GABBR2: variants seen among roughly 807,000 people sequenced by gnomAD.
The protein encoded by GABBR2 is G-protein coupled receptor 51.
In GABBR2, 23 loss-of-function variants were observed where a neutral mutation model predicts 105.6. The ratio of observed to expected loss-of-function variants is 0.22; its 90% CI spans 0.16 to 0.31. The LOEUF (loss-of-function observed/expected upper bound fraction) is 0.31. Among genes scored for constraint, GABBR2 ranks in the 10% least tolerant of loss-of-function variants. GABBR2 has a pLI of 1.00. For synonymous variants in GABBR2, 478 were observed against 499.7 expected, an observed-to-expected ratio of 0.96 and a Z score of 0.58; for missense variants, 734 against 1,245.5, an observed-to-expected ratio of 0.59 and a Z score of 6.18.
At chr9:98,695,687 C>T (rs1306717595) in intron 1 of GABBR2, among the ~76,000 whole-genome samples, 1 of 151,776 alleles carries the variant, frequency 6.6e-6, no homozygotes, top group South Asian at 2.1e-4. Context: ...CAATGCTTTA[C>T]ATGAATGTTC....
chr9:98,441,599 T>G (rs1319610608), intron 7 of GABBR2, among the ~76,000 whole-genome samples: 1 of 152,182 alleles, frequency 6.6e-6, no homozygotes, highest in Non-Finnish European at 1.5e-5. Context: ...ACTCCCAACC[T>G]CAGGTTATCC....
At chr9:98,413,606 A>G (rs1327045575) in intron 7 of GABBR2, among the ~76,000 whole-genome samples, 1 of 152,190 alleles carries the variant, frequency 6.6e-6, no homozygotes, top group Non-Finnish European at 1.5e-5. Context: ...GTTTGCAGGG[A>G]ACTGAAAGAA....
At chr9:98,333,966 G>A (rs1203176500) in intron 13 of GABBR2, among the ~76,000 whole-genome samples, 1 of 152,220 alleles carries the variant, frequency 6.6e-6, no homozygotes, top group Non-Finnish European at 1.5e-5. Context: ...TTGTTGTGAA[G>A]ACTGAATGAG....
chr9:98,681,700 C>G (rs1016284163), intron 1 of GABBR2, among the ~76,000 whole-genome samples: 6 of 151,948 alleles, frequency 3.9e-5, no homozygotes, highest in Admixed American at 6.5e-5. Flanking sequence ...AAAATCAGCT[C>G]ATATTTTTCC....
chr9:98,667,014 A>G (rs1830344682), intron 1 of GABBR2, among the ~76,000 whole-genome samples: 1 of 152,142 alleles, frequency 6.6e-6, no homozygotes, highest in Admixed American at 6.5e-5. Flanking sequence ...AATTTTGACA[A>G]GTAAATAGAC....
intron 13 of GABBR2, among the ~76,000 whole-genome samples, chr9:98,345,051 T>C (rs151068068): frequency 6.6e-6 from 1 of 152,250 alleles, no homozygotes; most frequent in African/African-American, 2.4e-5. Context: ...AATCTGAGCA[T>C]TGCCCTCCCT....
chr9:98,689,020 A>G (rs528215643), intron 1 of GABBR2, among the ~76,000 whole-genome samples: 2 of 152,364 alleles, frequency 1.3e-5, no homozygotes, highest in East Asian at 1.9e-4. Flanking sequence ...GGAGGAGGTC[A>G]CCACTATCAT....
intron 7 of GABBR2, among the ~76,000 whole-genome samples, chr9:98,428,720 C>G (rs1035007217): frequency 4.6e-5 from 7 of 152,178 alleles, no homozygotes; most frequent in Non-Finnish European, 8.8e-5. Flanking sequence ...TCAAAACTAA[C>G]GGGACTAGCA....
At chr9:98,687,971 C>T (rs1480659930) in intron 1 of GABBR2, among the ~76,000 whole-genome samples, 1 of 152,210 alleles carries the variant, frequency 6.6e-6, no homozygotes, top group Non-Finnish European at 1.5e-5. Flanking sequence ...GCACATGCCC[C>T]AAAGGACACC....
chr9:98,582,123 A>G (rs928422464), intron 1 of GABBR2, among the ~76,000 whole-genome samples: 6 of 152,206 alleles, frequency 3.9e-5, no homozygotes, highest in African/African-American at 1.4e-4. Context: ...TTTATGTTAC[A>G]TGGCAAAAGG....
chr9:98,306,031 G>A lies in GABBR2; in HGVS notation c.2229+90C>T. Reference sequence around the variant, plus strand: ...TCATCATAAAAAAAAAAAGGAATGGGTAAACCTTTTAGAGAATGGAGAAAA... The same window carrying A: ...TCATCATAAAAAAAAAAAGGAATGGATAAACCTTTTAGAGAATGGAGAAAA... On this transcript the variant is annotated intron_variant, in intron 15 of 18. Transcript: ENST00000259455. This position sits in a 1 kb window ranked among gnomAD's most constrained non-coding sequence, Gnocchi z 5.4. The A allele has an allele frequency of 1.2e-6, 1 of 830,830 alleles. No individual in the cohort carries two copies. 51.5% of individuals were successfully genotyped at this position (830,830 alleles called of 1,614,324 possible). A position where few individuals can be genotyped will look rare whatever the true frequency, so the allele number is the denominator to read the frequency against.
chr9:98,319,622 G>A (rs553460036), intron 13 of GABBR2, among the ~76,000 whole-genome samples: 19 of 152,138 alleles, frequency 1.2e-4, no homozygotes, highest in Non-Finnish European at 2.2e-4. Flanking sequence ...CCTGGACCCC[G>A]CGTACTAAAG....
chr9:98,436,816 G>C (rs866914834), intron 7 of GABBR2, among the ~76,000 whole-genome samples: 1 of 152,138 alleles, frequency 6.6e-6, no homozygotes, highest in African/African-American at 2.4e-5. Context: ...TGTCACAGAG[G>C]ATGTGTGATG....
intron 13 of GABBR2, among the ~76,000 whole-genome samples, chr9:98,324,799 C>A (rs950647901): frequency 2.6e-5 from 4 of 152,162 alleles, no homozygotes; most frequent in African/African-American, 9.7e-5. Context: ...GCCTGCAATC[C>A]TCCTCTGATG....
chr9:98,701,676 G>A (rs143334373), intron 1 of GABBR2, among the ~76,000 whole-genome samples: 212 of 152,210 alleles, frequency 1.4e-3, no homozygotes, highest in Non-Finnish European at 2.6e-3. Flanking sequence ...CAGCCAGCAG[G>A]GGAGAAAGTG....
In GABBR2 at chr9:98,542,005, C is replaced by G; in HGVS notation, c.498G>C (p.Lys166Asn). The change falls in exon 3 of 19, where the codon AAG becomes AAC. Residue 166 changes from lysine to asparagine, a missense_variant. By Grantham distance (94) the Lys-to-Asn change is moderately conservative. Around this residue, in one of 7 missense-constraint regions of GABBR2, gnomAD observed 370 missense variants for 648.9 expected, o/e 0.57. Transcript: ENST00000259455. ...FAATTPVLADKKKYPYFFRTV... is the reference protein window; with the variant it reads ...FAATTPVLADNKKYPYFFRTV... Reference sequence around the variant, plus strand: ...TCCGAAAGAAATAAGGGTATTTTTTCTTATCGGCTAGAACAGGCGTGGTTG... The same window carrying G: ...TCCGAAAGAAATAAGGGTATTTTTTGTTATCGGCTAGAACAGGCGTGGTTG... 1 of 1,614,132 alleles carries G rather than the reference C, an allele frequency of 6.2e-7. No homozygotes were observed. Among genetic ancestry groups the G allele is most frequent in the Non-Finnish European group, 8.5e-7 (1 of 1,180,002 alleles).
At chr9:98,527,110 T>C (rs561919820) in intron 3 of GABBR2, among the ~76,000 whole-genome samples, 69 of 136,032 alleles carry the variant, frequency 5.1e-4, no homozygotes, top group African/African-American at 1.8e-3. Context: ...ATATATATTA[T>C]ATATATATAT....
At chr9:98,621,118 T>G (rs1030528243) in intron 1 of GABBR2, among the ~76,000 whole-genome samples, 5 of 152,362 alleles carry the variant, frequency 3.3e-5, no homozygotes, top group African/African-American at 1.2e-4. Context: ...TCACAATTTA[T>G]GAAGCACTTT....
chr9:98,289,447 A>C lies in GABBR2; in HGVS notation c.*1137T>G, dbSNP rs1830252054. 6.6e-6 allele frequency: 1 copy of C among 152,556 alleles called. No individual in the cohort carries two copies. Among genetic ancestry groups the C allele is most frequent in the Non-Finnish European group, 1.5e-5 (1 of 68,036 alleles). The allele number at this position is 152,556 out of a possible 1,614,324, so 9.5% of individuals were successfully genotyped here. A position where few individuals can be genotyped will look rare whatever the true frequency, so the allele number is the denominator to read the frequency against. The stretch of plus-strand genomic sequence containing the variant: ...TTTAAAGGGAGGAATGATCTTATGA[A>C]TGAGAATCAATCTGCTGACTGATCA... On this transcript the variant is annotated 3_prime_UTR_variant, in exon 19 of 19. Transcript: ENST00000259455.
Sources: allele counts gnomAD v4.1 joint callset (sites outside exome capture counted in the v4.1 genomes callset), GRCh38; gene constraint gnomAD v4.1.1; regional missense constraint gnomAD v4.1.1; non-coding constraint Gnocchi (gnomAD v3.1); transcripts MANE v1.5; gene names NCBI Gene and HGNC (gene_info 2026-07-23, HGNC 2026-07-21).